Variants in KMO observed in about 807,000 individuals in gnomAD.
The protein encoded by KMO is kynurenine 3-monooxygenase, also known as kynurenine 3-hydroxylase.
In KMO, 24 loss-of-function variants were observed where a neutral mutation model predicts 57.8. The observed-to-expected ratio is 0.42, with a 90% CI of 0.30 to 0.58. The LOEUF (loss-of-function observed/expected upper bound fraction) is 0.58. KMO is among the 20% of genes least tolerant of loss of function. The pLI is 0.22. For missense variants in KMO, 483 were observed against 588.2 expected, an observed-to-expected ratio of 0.82 and a Z score of 1.85; for synonymous variants, 210 against 193.6, an observed-to-expected ratio of 1.08 and a Z score of -0.70.
chr1:241,548,943 G>A (rs144175101), intron 2 of KMO, 45 bp downstream of exon 2: 165 of 1,329,480 alleles, frequency 1.2e-4, no homozygotes, highest in Non-Finnish European at 1.6e-4. Context: ...GGGCACGGTG[G>A]CTCCTGGCAC....
chr1:241,589,981 A>G (rs2147987006), intron 12 of KMO, 31 bp from the exon 13 acceptor site: 1 of 1,540,252 alleles, frequency 6.5e-7, no homozygotes, highest in Middle Eastern at 1.7e-4. Flanking sequence ...TATTTGTTCA[A>G]AAGCGTTCTT....
At chr1:241,579,238 G>T (rs1157573426) in intron 10 of KMO, among the ~76,000 whole-genome samples, 1 of 152,126 alleles carries the variant, frequency 6.6e-6, no homozygotes. Context: ...AGAGCACCAG[G>T]TTTGGTGGTA....
At chr1:241,562,108 C>G (rs1357371160) in intron 6 of KMO, 59 bp from the exon 7 acceptor site, 2 of 1,438,688 alleles carry the variant, frequency 1.4e-6, no homozygotes, top group African/African-American at 1.4e-5. Context: ...CCCAGAGGTA[C>G]ATCATCATTT....
rs544058424 is a variant in KMO at position 241,550,324 on chromosome 1, T to C, written c.222+550T>C. 5.3e-5 allele frequency among the ~76,000 whole-genome samples: 8 copies of C among 152,342 alleles called. 1 individual carries two copies. The highest frequency in any genetic ancestry group is 1.7e-4 in the African/African-American group (7 of 41,598). On this transcript the variant is annotated intron_variant, in intron 3 of 14. Transcript: ENST00000366559. ...ATGTGTACTACACTACTTTCTAAAA[T>C]TGAAAAATTCTGAATTCTGAAACCA...
chr1:241,573,528 G>C (rs1049246442), intron 10 of KMO, among the ~76,000 whole-genome samples: 1 of 152,122 alleles, frequency 6.6e-6, no homozygotes, highest in African/African-American at 2.4e-5. Context: ...TTATTAAATA[G>C]GGTGTCCTTG....
chr1:241,591,939 T>C lies in KMO; in HGVS notation c.1261-14T>C. Reference sequence around the variant, plus strand: ...CTCTGGACAAATGAAATGAGAGTTCTTGCTGTCTTACAGGTGATAAACAAA... The same window carrying C: ...CTCTGGACAAATGAAATGAGAGTTCCTGCTGTCTTACAGGTGATAAACAAA... On this transcript the variant is annotated splice_polypyrimidine_tract_variant and intron_variant, in intron 14 of 14. Transcript: ENST00000366559. 1 of 1,607,018 alleles carries C rather than the reference T, an allele frequency of 6.2e-7. No individual in the cohort carries two copies.
chr1:241,540,922 G>A (rs1469202119), intron 1 of KMO, among the ~76,000 whole-genome samples: 1 of 151,986 alleles, frequency 6.6e-6, no homozygotes, highest in African/African-American at 2.4e-5. Flanking sequence ...AAATTAGCCA[G>A]GCATAGCAGC....
intron 1 of KMO, among the ~76,000 whole-genome samples, chr1:241,546,474 A>G (rs1661154113): frequency 6.6e-6 from 1 of 152,222 alleles, no homozygotes; most frequent in African/African-American, 2.4e-5. Flanking sequence ...GGCAAAATGA[A>G]TGCTGGTAGA....
chr1:241,551,128 T>C, intron 4 of KMO, 84 bp downstream of exon 4: 1 of 749,806 alleles, frequency 1.3e-6, no homozygotes, highest in Non-Finnish European at 2.3e-6. Flanking sequence ...GGCCCCTCTC[T>C]CTCCAGCCCT....
chr1:241,536,096 T>C (rs1660741045), intron 1 of KMO, among the ~76,000 whole-genome samples: 1 of 152,132 alleles, frequency 6.6e-6, no homozygotes, highest in South Asian at 2.1e-4. Context: ...TTAGAAGTTA[T>C]GGGAAATTTT....
chr1:241,559,754 T>G (rs575061415), intron 5 of KMO, among the ~76,000 whole-genome samples: 1 of 152,318 alleles, frequency 6.6e-6, no homozygotes, highest in East Asian at 1.9e-4. Context: ...TTTATTTACG[T>G]TTTTGACATA....
At chr1:241,567,350 A>G (rs1378967794) in intron 9 of KMO, among the ~76,000 whole-genome samples, 1 of 152,206 alleles carries the variant, frequency 6.6e-6, no homozygotes, top group Non-Finnish European at 1.5e-5. Flanking sequence ...TGGTTCATAG[A>G]TGACAGTCTT....
chr1:241,559,075 G>C lies in KMO; in HGVS notation c.362-1590G>C, dbSNP rs372994309. Among the ~76,000 whole-genome samples the C allele has an allele frequency of 2.3e-3, 344 of 151,490 alleles. 2 individuals carry two copies. Among genetic ancestry groups the C allele is most frequent in the African/African-American group, 8.0e-3 (329 of 41,236 alleles). The stretch of plus-strand genomic sequence containing the variant: ...AGATCATGCCATTGCACTCCATCCT[G>C]GGCGACAAGAGTGAAACTCTGTCTC... On this transcript the variant is annotated intron_variant, in intron 5 of 14. Coordinates refer to ENST00000366559, the MANE Select transcript of KMO (RefSeq NM_003679.5).
chr1:241,532,418 A>G lies in KMO; in HGVS notation c.-27A>G, dbSNP rs767015931. On this transcript the variant is annotated 5_prime_UTR_variant, in exon 1 of 15. Coordinates refer to ENST00000366559, the MANE Select transcript of KMO (RefSeq NM_003679.5). ...GTGTCACTCAGTGACAGAAGCAACA[A>G]TAATTGTGAAAAATACTTCAGCAGT... The G allele has an allele frequency of 6.2e-7, 1 of 1,612,366 alleles. No homozygotes were observed. Among genetic ancestry groups the G allele is most frequent in the Non-Finnish European group, 8.5e-7 (1 of 1,179,240 alleles).
At chr1:241,541,316 C>T (rs1558410915) in intron 1 of KMO, among the ~76,000 whole-genome samples, 1 of 152,000 alleles carries the variant, frequency 6.6e-6, no homozygotes, top group East Asian at 1.9e-4. Context: ...CACCGAGCTA[C>T]CCTGGTTGGG....
intron 6 of KMO, among the ~76,000 whole-genome samples, chr1:241,561,561 C>A (rs1661837410): frequency 1.3e-5 from 2 of 152,180 alleles, no homozygotes; most frequent in South Asian, 2.1e-4. Context: ...GTTGCCATCA[C>A]CTCATCCCTG....
In KMO at chr1:241,548,819, T is replaced by A. The variant is rs202086485; in HGVS notation, c.55-10T>A. The A allele has an allele frequency of 5.5e-5, 84 of 1,537,132 alleles. No homozygotes were observed. The highest frequency in any genetic ancestry group is 1.6e-4 in the South Asian group (14 of 88,632). On this transcript the variant is annotated splice_polypyrimidine_tract_variant and intron_variant, in intron 1 of 14. Transcript: ENST00000366559. ...ATCAGATAAATATTTAATTTTTTTTTAATTTCTAGGTTGGCTCATTACAAG... is the reference window on the plus strand; with the variant it reads ...ATCAGATAAATATTTAATTTTTTTTAAATTTCTAGGTTGGCTCATTACAAG...
Position 241,564,991 on chromosome 1 carries a change from C to A in KMO, c.620C>A (p.Ala207Asp), listed in dbSNP as rs776706787. 4 of 1,597,224 alleles carry A rather than the reference C, an allele frequency of 2.5e-6. No homozygotes were observed. ...CATATATTCTTTTTTCTGCAGTATG[C>A]CATGGAACCTAATTATCTGCATATT... is the stretch of plus-strand genomic sequence containing the variant. ...LTIPPKNGDYAMEPNYLHIWP... is the reference protein window; with the variant it reads ...LTIPPKNGDYDMEPNYLHIWP... Residue 207 changes from alanine (A) to aspartate (D), a missense_variant, in exon 8 of 15, where the codon GCC becomes GAC. Coordinates refer to ENST00000366559, the MANE Select transcript of KMO (RefSeq NM_003679.5).
At chr1:241,539,350 T>C (rs182891928) in intron 1 of KMO, among the ~76,000 whole-genome samples, 33 of 142,950 alleles carry the variant, frequency 2.3e-4, no homozygotes, top group African/African-American at 7.5e-4. Context: ...TGCCACTGCA[T>C]TCCAGTCTGG....
Sources: allele counts gnomAD v4.1 joint callset (sites outside exome capture counted in the v4.1 genomes callset), GRCh38; gene constraint gnomAD v4.1.1; transcripts MANE v1.5; gene names NCBI Gene and HGNC (gene_info 2026-07-23, HGNC 2026-07-21).